HPSE2: variants seen among roughly 807,000 people sequenced by gnomAD.
HPSE2 encodes heparanase 2 (inactive).
A neutral mutation model predicts 60.5 loss-of-function variants in HPSE2; 38 were observed. The ratio of observed to expected loss-of-function variants is 0.63; its 90% confidence interval spans 0.48 to 0.82. The LOEUF is 0.82. Among genes scored for constraint, HPSE2 ranks in the 40% least tolerant of loss-of-function variants. The pLI, the probability that HPSE2 is intolerant of heterozygous loss-of-function variation, is 0.00. For synonymous variants in HPSE2, 295 were observed against 293.2 expected (o/e 1.01, Z -0.06); for missense variants, 713 against 740.4 (o/e 0.96, Z 0.43).
chr10:98,613,247 T>C (rs939039524), intron 9 of HPSE2, among the ~76,000 whole-genome samples: 2 of 152,226 alleles, frequency 1.3e-5, no homozygotes, highest in African/African-American at 4.8e-5. Context: ...GTTTAGTGCT[T>C]ACATTTCATA....
chr10:98,634,277 A>C (rs1246303145), intron 7 of HPSE2, among the ~76,000 whole-genome samples: 1 of 152,182 alleles, frequency 6.6e-6, no homozygotes, highest in African/African-American at 2.4e-5. Context: ...ACATGTATTG[A>C]GCACCTGCTA....
chr10:98,942,319 G>C (rs892620184), intron 3 of HPSE2, among the ~76,000 whole-genome samples: 1 of 143,132 alleles, frequency 7.0e-6, no homozygotes, highest in Non-Finnish European at 1.5e-5. Flanking sequence ...GAAAATTTTC[G>C]CAACCTACTC....
At chr10:98,517,659 T>C (rs1942646987) in intron 9 of HPSE2, among the ~76,000 whole-genome samples, 1 of 152,236 alleles carries the variant, frequency 6.6e-6, no homozygotes, top group Admixed American at 6.5e-5. Context: ...TCTTAGTCTT[T>C]GGAATGGAGC....
At chr10:99,071,748 T>C (rs1035786645) in intron 3 of HPSE2, among the ~76,000 whole-genome samples, 1 of 152,242 alleles carries the variant, frequency 6.6e-6, no homozygotes, top group South Asian at 2.1e-4. Context: ...TTTGTCCACG[T>C]GTAAGAAAAG....
At chr10:98,862,349 A>G (rs987074698) in intron 3 of HPSE2, among the ~76,000 whole-genome samples, 1 of 152,142 alleles carries the variant, frequency 6.6e-6, no homozygotes, top group Non-Finnish European at 1.5e-5. Flanking sequence ...AAACAGAAAA[A>G]TCCCTAGTTT....
chr10:99,301,632 AG>A, the HPSE2 span, among the ~76,000 whole-genome samples: 1 of 152,166 alleles, frequency 6.6e-6, no homozygotes, highest in Non-Finnish European at 1.5e-5. Flanking sequence ...CCTAACTCAA[AG>A]GTTAGGGAAT....
At chr10:99,306,189 G>A in the HPSE2 span, among the ~76,000 whole-genome samples, 1 of 152,090 alleles carries the variant, frequency 6.6e-6, no homozygotes, top group South Asian at 2.1e-4. Flanking sequence ...AGCAGTATTT[G>A]AGGAGATATG....
chr10:99,181,397 CAAAAAAAAA>C (rs58049545), intron 2 of HPSE2, among the ~76,000 whole-genome samples: 1 of 104,780 alleles, frequency 9.5e-6, no homozygotes, highest in Non-Finnish European at 1.7e-5. Flanking sequence ...GACTCCGTCT[CAAAAAAAAA>C]AAAAAAAAAA....
At chr10:98,699,269 A>G (rs1948331323) in intron 5 of HPSE2, among the ~76,000 whole-genome samples, 1 of 152,076 alleles carries the variant, frequency 6.6e-6, no homozygotes, top group Admixed American at 6.6e-5. Flanking sequence ...CGAATCCAGC[A>G]GCACATCAAA....
intron 2 of HPSE2, 62 bp downstream of exon 2, chr10:99,232,286 C>T: frequency 1.3e-6 from 2 of 1,522,874 alleles, no homozygotes; most frequent in African/African-American, 2.8e-5. Context: ...CACACAGATA[C>T]ACAAACACAG....
intron 9 of HPSE2, among the ~76,000 whole-genome samples, chr10:98,547,828 C>A (rs1165543768): frequency 2.0e-5 from 3 of 151,640 alleles, no homozygotes; most frequent in Non-Finnish European, 4.4e-5. Context: ...AAGAATAGAA[C>A]ACAAACACAC....
At chr10:98,520,842 T>A (rs11189649) in intron 9 of HPSE2, among the ~76,000 whole-genome samples, 48,247 of 152,020 alleles carry the variant, frequency 0.32, 7,816 homozygotes, top group East Asian at 0.42. Flanking sequence ...ACCACACATC[T>A]ACAACCATCT....
intron 2 of HPSE2, among the ~76,000 whole-genome samples, chr10:99,219,995 A>C (rs1416471231): frequency 6.6e-6 from 1 of 152,244 alleles, no homozygotes; most frequent in Non-Finnish European, 1.5e-5. Flanking sequence ...TACAAATGAC[A>C]CAGTGATATA....
chr10:99,212,180 G>A (rs556393531), intron 2 of HPSE2, among the ~76,000 whole-genome samples: 1 of 152,178 alleles, frequency 6.6e-6, no homozygotes, highest in South Asian at 2.1e-4. Flanking sequence ...AAGATAATAA[G>A]TGTTGGTGAG....
In HPSE2 at chr10:98,800,467, T is replaced by A. The variant is rs889532229; in HGVS notation, c.611-56411A>T. ...TAATTTTATATAACATATATGATTT[T>A]ATATAAAATGTATATTTATACAATA... On this transcript the variant is annotated intron_variant, in intron 3 of 11. Transcript: ENST00000370552. 3.4e-5 allele frequency among the ~76,000 whole-genome samples: 5 copies of A among 147,784 alleles called. No individual in the cohort carries two copies. The East Asian group carries it at 7.8e-4, about 23-fold the overall frequency.
chr10:98,772,899 G>T (rs1019087349), intron 3 of HPSE2, among the ~76,000 whole-genome samples: 1 of 152,168 alleles, frequency 6.6e-6, no homozygotes, highest in Non-Finnish European at 1.5e-5. Context: ...TTAGACTGAA[G>T]GTTTCTAGGA....
chr10:99,186,125 C>CACACACACACACACACACAT (rs1564879545), intron 2 of HPSE2, among the ~76,000 whole-genome samples: 1 of 147,162 alleles, frequency 6.8e-6, no homozygotes, highest in Admixed American at 6.9e-5. Flanking sequence ...CACACACACA[C>CACACACACACACACACACAT]ACACACACAC....
chr10:98,483,231 C>G (rs1329248066), intron 10 of HPSE2, among the ~76,000 whole-genome samples: 13 of 152,070 alleles, frequency 8.5e-5, no homozygotes, highest in Non-Finnish European at 1.2e-4. Flanking sequence ...AGTACTTTGA[C>G]ACATTATTAC....
intron 3 of HPSE2, among the ~76,000 whole-genome samples, chr10:99,042,623 G>A (rs2487896): frequency 0.13 from 19,581 of 151,806 alleles, 1,503 homozygotes; most frequent in Admixed American, 0.21. Context: ...CTGGCTTGTG[G>A]ACTGCCGTGG....
Sources: gnomAD v4.1 joint callset for allele counts (sites outside exome capture counted in the v4.1 genomes callset) on GRCh38, gnomAD v4.1.1 for gene constraint, MANE v1.5 for transcripts, NCBI Gene and HGNC (gene_info 2026-07-23, HGNC 2026-07-21) for gene names.